Variants in NDC80 observed in about 807,000 individuals in gnomAD.
NDC80 encodes kinetochore protein NDC80 homolog.
A neutral mutation model predicts 89.3 loss-of-function variants in NDC80; 69 were observed. That is an observed-to-expected ratio of 0.77 (90% CI 0.64 to 0.94). NDC80 has a LOEUF of 0.94. Ranked by LOEUF, NDC80 falls within the 40% of genes least tolerant of loss-of-function variation. The pLI is 0.00. For missense variants in NDC80, 593 were observed against 739.6 expected, an observed-to-expected ratio of 0.80 and a Z score of 2.30; for synonymous variants, 243 against 255.6, an observed-to-expected ratio of 0.95 and a Z score of 0.47.
intron 10 of NDC80, chr18:2,594,983 A>G (rs1386679884): frequency 6.6e-6 from 1 of 152,308 alleles, no homozygotes; most frequent in Non-Finnish European, 1.5e-5. Flanking sequence ...GTCCCCATGC[A>G]GGGCCATTCA....
chr18:2,573,471 A>C (rs549686813), intron 2 of NDC80, among the ~76,000 whole-genome samples: 106 of 152,346 alleles, frequency 7.0e-4, no homozygotes, highest in African/African-American at 2.4e-3. Context: ...GAGCAAAATT[A>C]TTTGCTCTCA....
intron 15 of NDC80, among the ~76,000 whole-genome samples, chr18:2,610,428 C>A (rs1220365870): frequency 6.6e-6 from 1 of 152,120 alleles, no homozygotes; most frequent in Non-Finnish European, 1.5e-5. Context: ...AGTAAGACTT[C>A]TACTCCCCCA....
chr18:2,606,857 C>T (rs2072714798), intron 14 of NDC80, among the ~76,000 whole-genome samples: 1 of 152,008 alleles, frequency 6.6e-6, no homozygotes, highest in East Asian at 1.9e-4. Flanking sequence ...GCCTGAACCC[C>T]AATAAGGTCT....
chr18:2,608,743 C>T lies in NDC80; in HGVS notation c.1601C>T (p.Ser534Phe). ...GAAAAATGTGCCAGTGAGCTTGAGT[C>T]CTTGGAGAAACACAAGCACCTGCTA... is the stretch of plus-strand genomic sequence containing the variant. ...EDEKCASELESLEKHKHLLES... is the reference protein window; with the variant it reads ...EDEKCASELEFLEKHKHLLES... Residue 534 changes from serine to phenylalanine, a missense_variant, in exon 15 of 17, where the codon TCC becomes TTC. Transcript: ENST00000261597. 1 of 1,612,844 alleles carries T rather than the reference C, an allele frequency of 6.2e-7. No homozygotes were observed. Among genetic ancestry groups the T allele is most frequent in the Non-Finnish European group, 8.5e-7 (1 of 1,179,102 alleles).
intron 12 of NDC80, among the ~76,000 whole-genome samples, chr18:2,600,438 A>C (rs1340634937): frequency 1.3e-5 from 2 of 152,018 alleles, no homozygotes; most frequent in Non-Finnish European, 2.9e-5. Context: ...GTGAAACCCC[A>C]TCTCTACTAA....
At chr18:2,605,840 A>G (rs773337324) in intron 13 of NDC80, among the ~76,000 whole-genome samples, 4 of 152,184 alleles carry the variant, frequency 2.6e-5, no homozygotes, top group Non-Finnish European at 5.9e-5. Context: ...TGGTATCAGC[A>G]CTTGCCAACA....
intron 5 of NDC80, among the ~76,000 whole-genome samples, chr18:2,578,433 C>G (rs1298415010): frequency 6.6e-6 from 1 of 151,892 alleles, no homozygotes; most frequent in African/African-American, 2.4e-5. Context: ...AAAAACTACT[C>G]GTAGATTATT....
intron 7 of NDC80, among the ~76,000 whole-genome samples, chr18:2,586,351 T>C (rs2072602890): frequency 6.6e-6 from 1 of 152,148 alleles, no homozygotes; most frequent in Non-Finnish European, 1.5e-5. Context: ...TTGAGAAAAT[T>C]ATCCTCCCAC....
At chr18:2,612,264 T>G (rs2072748690) in intron 16 of NDC80, among the ~76,000 whole-genome samples, 1 of 139,182 alleles carries the variant, frequency 7.2e-6, no homozygotes, top group African/African-American at 2.7e-5. Context: ...CACCTCTGAC[T>G]TTCTTTTCTT....
At chr18:2,593,041 TGTGTGTGTGTGTGTC>T (rs1373836594) in intron 10 of NDC80, among the ~76,000 whole-genome samples, 55 of 131,306 alleles carry the variant, frequency 4.2e-4, no homozygotes, top group African/African-American at 1.7e-3. Context: ...TGTGTGTGTG[TGTGTGTGTGTGTGTC>T]TTTTTTTTTT....
chr18:2,614,653 G>GAAATAAAT lies in NDC80; in HGVS notation c.1792-1783_1792-1776dup, dbSNP rs768435234. ...AGAAAGAAAGAAAGAAAGAAAGAAA[G>GAAATAAAT]AAATAAATTTGGCAATCCGAAAAAC... is the stretch of plus-strand genomic sequence containing the variant. On this transcript the variant is annotated intron_variant, in intron 16 of 16. Coordinates refer to ENST00000261597, the MANE Select transcript of NDC80 (RefSeq NM_006101.3). 4.9e-5 allele frequency among the ~76,000 whole-genome samples: 4 copies of GAAATAAAT among 82,242 alleles called. 1 individual carries two copies. The highest frequency in any genetic ancestry group is 8.3e-5 in the Non-Finnish European group (3 of 36,236). The allele number at this position is 82,242 out of a possible 152,430, so 54.0% of individuals were successfully genotyped here. A position where few individuals can be genotyped will look rare whatever the true frequency, so the allele number is the denominator to read the frequency against.
chr18:2,587,383 A>G (rs1004057923), intron 7 of NDC80, among the ~76,000 whole-genome samples: 2 of 152,246 alleles, frequency 1.3e-5, no homozygotes, highest in Non-Finnish European at 2.9e-5. Context: ...TGTAGCCTTC[A>G]TTAATTACAT....
chr18:2,606,533 A>G (rs758702203), intron 14 of NDC80, 26 bp downstream of exon 14: 1 of 1,489,960 alleles, frequency 6.7e-7, no homozygotes, highest in Non-Finnish European at 9.2e-7. Context: ...CAGTTTGCGT[A>G]GGTTATCAAA....
intron 10 of NDC80, among the ~76,000 whole-genome samples, chr18:2,590,438 T>C (rs539941079): frequency 1.3e-5 from 2 of 152,210 alleles, no homozygotes; most frequent in Admixed American, 1.3e-4. Context: ...GAGGATCTAT[T>C]CCTTGCCTCT....
intron 16 of NDC80, among the ~76,000 whole-genome samples, chr18:2,612,923 T>C (rs141266222): frequency 1.4e-3 from 212 of 152,336 alleles, no homozygotes; most frequent in African/African-American, 4.8e-3. Flanking sequence ...ACAATATTTG[T>C]TGAACAGGAT....
In NDC80 at chr18:2,589,248, G is replaced by A. The variant is rs756185827; in HGVS notation, c.808G>A (p.Ala270Thr). The change falls in exon 9 of 17, where the codon GCA (alanine) becomes ACA (threonine). Residue 270 changes from alanine to threonine, a missense_variant. Ala to Thr is a moderately conservative substitution (Grantham distance 58, BLOSUM62 0). Coordinates refer to ENST00000261597, the MANE Select transcript of NDC80 (RefSeq NM_006101.3). ...VDAFKLESLE[A>T]KNRALNEQIA... ...TGCTTTTAAGCTGGAATCATTAGAA[G>A]CAAAAAACAGAGCATTGAATGAACA... 32 of 1,613,324 alleles carry A rather than the reference G, an allele frequency of 2.0e-5. No individual in the cohort carries two copies. The highest frequency in any genetic ancestry group is 2.5e-5 in the Non-Finnish European group (29 of 1,179,684).
chr18:2,612,691 A>C (rs1249384463), intron 16 of NDC80, among the ~76,000 whole-genome samples: 2 of 152,194 alleles, frequency 1.3e-5, no homozygotes, highest in Non-Finnish European at 2.9e-5. Flanking sequence ...CAATGTTTTA[A>C]TCAGTTAACA....
rs768848818 is a variant in NDC80, at chr18:2,578,984, G to A, written c.534G>A (p.Trp178Ter). 1.3e-6 allele frequency: 2 copies of A among 1,575,746 alleles called. No homozygotes were observed. The highest frequency in any genetic ancestry group is 1.4e-5 in the African/African-American group (1 of 72,954). Residue 178 changes from tryptophan to a stop codon, truncating the protein, a stop_gained, in exon 6 of 17, where the codon TGG becomes TGA. Coordinates refer to ENST00000261597, the MANE Select transcript of NDC80 (RefSeq NM_006101.3). LOFTEE classifies it high-confidence loss of function. ...SMYTVGAPHT[W>*]PHIVAALVWL... The stretch of plus-strand genomic sequence containing the variant: ...ACACAGTGGGGGCTCCTCATACATG[G>A]CCTCACATTGTGGCAGCCTTAGTTT...
intron 7 of NDC80, among the ~76,000 whole-genome samples, chr18:2,587,528 T>G (rs2072608246): frequency 6.6e-6 from 1 of 152,346 alleles, no homozygotes; most frequent in Non-Finnish European, 1.5e-5. Context: ...CATTTATTAA[T>G]AAGCTTCCCT....
Sources: gnomAD v4.1 joint callset for allele counts (sites outside exome capture counted in the v4.1 genomes callset) on GRCh38, gnomAD v4.1.1 for gene constraint, MANE v1.5 for transcripts, NCBI Gene and HGNC (gene_info 2026-07-23, HGNC 2026-07-21) for gene names.